Variants in AIMP1 observed in about 807,000 individuals in gnomAD.
AIMP1 encodes aminoacyl tRNA synthetase complex interacting multifunctional protein 1, also known as aminoacyl tRNA synthase complex-interacting multifunctional protein 1.
A neutral mutation model predicts 33.1 loss-of-function variants in AIMP1; 24 were observed. That is an observed-to-expected ratio of 0.73 (90% confidence interval 0.53 to 1.02). The LOEUF is 1.02. AIMP1 is among the 50% of genes least tolerant of loss of function. The pLI is 0.00. For synonymous variants in AIMP1, 120 were observed against 121.5 expected (o/e 0.99, Z 0.08); for missense variants, 367 against 364.8 (o/e 1.01, Z -0.05).
rs997469126 is a variant in AIMP1, at chr4:106,349,369, T to G, written c.*1677T>G. ...CTGTACCCCAGATCAAATTATCTAA[T>G]GTTTTGTTAGTGAAACCTAAACTGA... On this transcript the variant is annotated 3_prime_UTR_variant, in exon 7 of 7. Coordinates refer to ENST00000672341, the MANE Select transcript of AIMP1 (RefSeq NM_001142416.2). The G allele has an allele frequency of 6.6e-6, 1 of 152,048 alleles. No individual in the cohort carries two copies. Among genetic ancestry groups the G allele is most frequent in the Non-Finnish European group, 1.5e-5 (1 of 67,992 alleles). 9.4% of individuals were successfully genotyped at this position (152,048 alleles called of 1,614,324 possible).
At chr4:106,334,197 A>G (rs962146548) in intron 5 of AIMP1, among the ~76,000 whole-genome samples, 4 of 152,166 alleles carry the variant, frequency 2.6e-5, no homozygotes, top group Non-Finnish European at 5.9e-5. Context: ...TATAGCTGCA[A>G]GTATTTATTA....
chr4:106,343,856 T>A (rs1770192033), intron 6 of AIMP1, among the ~76,000 whole-genome samples: 1 of 152,228 alleles, frequency 6.6e-6, no homozygotes, highest in Non-Finnish European at 1.5e-5. Flanking sequence ...TTATTTCTAT[T>A]GATATCGAGT....
upstream of AIMP1, chr4:106,316,478 T>C (rs1768891029): frequency 6.8e-7 from 1 of 1,473,918 alleles, no homozygotes; most frequent in East Asian, 2.5e-5. Flanking sequence ...TGTAGAACAC[T>C]CAGGCTTTCA....
chr4:106,328,091 TTCCATCTGGTAC>T lies in AIMP1; in HGVS notation c.244_255del (p.Ser82_Pro85del), dbSNP rs1769522526. 3 of 1,612,778 alleles carry T rather than the reference TTCCATCTGGTAC, an allele frequency of 1.9e-6. No individual in the cohort carries two copies. Among genetic ancestry groups the T allele is most frequent in the Non-Finnish European group, 2.5e-6 (3 of 1,178,998 alleles). ...TCTGTCTCAGTGAAGCAAATACCAT[TTCCATCTGGTAC>T]TCCACTGCACGCTAATTCTATGGTT... On this transcript the variant is annotated inframe_deletion, in exon 4 of 7. Coordinates refer to ENST00000672341, the MANE Select transcript of AIMP1 (RefSeq NM_001142416.2).
rs755467777 is a variant in AIMP1 at position 106,328,125 on chromosome 4, G to T, written c.273G>T (p.Met91Ile). The change falls in exon 4 of 7, where the codon ATG becomes ATT. Residue 91 changes from methionine to isoleucine, a missense_variant. Physicochemically the swap from Met to Ile is conservative, Grantham distance 10. Coordinates refer to ENST00000672341, the MANE Select transcript of AIMP1 (RefSeq NM_001142416.2). The stretch of plus-strand genomic sequence containing the variant: ...GTACTCCACTGCACGCTAATTCTAT[G>T]GTTTCTGAAAATGTGATACAGTCTA... The part of the protein sequence containing the change: ...PSGTPLHANS[M>I]VSENVIQSTA... The T allele has an allele frequency of 6.2e-7, 1 of 1,613,396 alleles. No homozygotes were observed. The highest frequency in any genetic ancestry group is 8.5e-7 in the Non-Finnish European group (1 of 1,179,668).
At chr4:106,316,021 C>G (rs888288488), upstream of AIMP1, 3 of 152,670 alleles carry the variant, frequency 2.0e-5, no homozygotes, top group Non-Finnish European at 4.4e-5. Context: ...CTGCTGCTGC[C>G]GCTACGGCTT....
At chr4:106,338,225 G>A (rs570276753) in intron 6 of AIMP1, among the ~76,000 whole-genome samples, 1 of 152,362 alleles carries the variant, frequency 6.6e-6, no homozygotes, top group African/African-American at 2.4e-5. Flanking sequence ...ATTTCTGCCA[G>A]CTGCAGAAAT....
rs762700081 is a variant in AIMP1 at position 106,324,985 on chromosome 4, G to T, written c.-25G>T. Reference sequence around the variant, plus strand: ...TTTATCACTTTTATTTTTCCTATAGGATTTTCTGCCGTCTCTTGGCAAAAA... The same window carrying T: ...TTTATCACTTTTATTTTTCCTATAGTATTTTCTGCCGTCTCTTGGCAAAAA... On this transcript the variant is annotated splice_region_variant and 5_prime_UTR_variant, in exon 2 of 7. The change abolishes an upstream ATG in the 5' untranslated region. Coordinates refer to ENST00000672341, the MANE Select transcript of AIMP1 (RefSeq NM_001142416.2). 6.3e-7 allele frequency: 1 copy of T among 1,594,068 alleles called. No individual in the cohort carries two copies. Among genetic ancestry groups the T allele is most frequent in the Admixed American group, 1.7e-5 (1 of 57,994 alleles).
At position 106,329,772 on chromosome 4, in the gene AIMP1, C is replaced by CCTTT. The variant is rs1554000880; in HGVS notation, c.391+1529_391+1530insCTTT. 1.3e-3 allele frequency among the ~76,000 whole-genome samples: 71 copies of CCTTT among 53,096 alleles called. 3 individuals are homozygous for CCTTT. Among genetic ancestry groups the CCTTT allele is most frequent in the Middle Eastern group, 0.016 (1 of 64 alleles). The allele number at this position is 53,096 out of a possible 152,430, so 34.8% of individuals were successfully genotyped here. On this transcript the variant is annotated intron_variant, in intron 4 of 6. Transcript: ENST00000672341. ...ATGATCTTTCTAGACTGCTACATAT[C>CCTTT]TTTTTTTTTTTTTTTTTTTTTTTTT...
intron 6 of AIMP1, among the ~76,000 whole-genome samples, chr4:106,343,561 G>C (rs961467619): frequency 7.9e-5 from 12 of 152,142 alleles, no homozygotes; most frequent in Admixed American, 6.5e-4. Context: ...TCTGTGTCTT[G>C]AACCTTGGTA....
intron 1 of AIMP1, among the ~76,000 whole-genome samples, chr4:106,320,367 G>A (rs1031896671): frequency 6.6e-6 from 1 of 152,152 alleles, no homozygotes; most frequent in Non-Finnish European, 1.5e-5. Flanking sequence ...CAAAGAACAT[G>A]TTTATTTTTG....
Position 106,336,869 on chromosome 4 carries a change from A to G in AIMP1, c.604A>G (p.Met202Val). Residue 202 changes from methionine to valine, a missense_variant and splice_region_variant, in exon 6 of 7, where the codon ATG (methionine) becomes GTG (valine). Transcript: ENST00000672341. ...GLVNHVPLEQ[M>V]QNRMVILLCN... is the part of the protein sequence containing the mutation. Reference sequence around the variant, plus strand: ...ACTTACCAGTTTATATTTCACACAGATGCAAAATCGGATGGTGATTTTACT... The same window carrying G: ...ACTTACCAGTTTATATTTCACACAGGTGCAAAATCGGATGGTGATTTTACT... 6.2e-7 allele frequency: 1 copy of G among 1,613,930 alleles called. No individual in the cohort carries two copies. Among genetic ancestry groups the G allele is most frequent in the Non-Finnish European group, 8.5e-7 (1 of 1,179,870 alleles).
chr4:106,316,242 C>G (rs548974397), upstream of AIMP1: 41 of 295,630 alleles, frequency 1.4e-4, no homozygotes, highest in African/African-American at 8.2e-4. Context: ...TTCTTCCGCC[C>G]TCACAGCCAC....
chr4:106,342,470 G>A (rs527364627), intron 6 of AIMP1, among the ~76,000 whole-genome samples: 1 of 152,234 alleles, frequency 6.6e-6, no homozygotes, highest in Middle Eastern at 3.4e-3. Flanking sequence ...TTGATGCCTA[G>A]TCTATTGAGG....
At chr4:106,317,433 A>T (rs1768994420) in intron 1 of AIMP1, among the ~76,000 whole-genome samples, 1 of 152,230 alleles carries the variant, frequency 6.6e-6, no homozygotes, top group South Asian at 2.1e-4. Context: ...TTTGAGCAGT[A>T]GAGTGATGGG....
chr4:106,320,797 GC>G (rs1769189426), intron 1 of AIMP1, among the ~76,000 whole-genome samples: 1 of 152,132 alleles, frequency 6.6e-6, no homozygotes, highest in Non-Finnish European at 1.5e-5. Flanking sequence ...CTGATGCCGA[GC>G]CGAGGCTGGA....
intron 2 of AIMP1, among the ~76,000 whole-genome samples, chr4:106,326,877 G>A (rs1448343638): frequency 1.3e-5 from 2 of 151,844 alleles, no homozygotes; most frequent in African/African-American, 2.4e-5. Flanking sequence ...TCCAAGCCTC[G>A]ATCAGTCCTC....
rs2230255 is a variant in AIMP1 at position 106,328,201 on chromosome 4, A to G, written c.349A>G (p.Thr117Ala). Reference sequence around the variant, plus strand: ...TACCAAAGAACAGATAAAAGGAGGAACAGGAGACGAAAAGAAAGCGAAAGA... The same window carrying G: ...TACCAAAGAACAGATAAAAGGAGGAGCAGGAGACGAAAAGAAAGCGAAAGA... ...SGTKEQIKGGTGDEKKAKEKI... is the reference protein window; with the variant it reads ...SGTKEQIKGGAGDEKKAKEKI... Residue 117 changes from threonine to alanine, a missense_variant, in exon 4 of 7, where the codon ACA becomes GCA. Transcript: ENST00000672341. 4.8e-3 allele frequency: 7,816 copies of G among 1,612,208 alleles called. 318 individuals carry two copies. In the African/African-American group the frequency reaches 0.091, roughly 19 times the overall value.
chr4:106,341,160 T>G (rs1010156842), intron 6 of AIMP1, among the ~76,000 whole-genome samples: 4 of 152,196 alleles, frequency 2.6e-5, no homozygotes, highest in African/African-American at 9.6e-5. Flanking sequence ...AGAGTTTTGT[T>G]GGATGCATAG....
Sources: gnomAD v4.1 joint callset for allele counts (sites outside exome capture counted in the v4.1 genomes callset) on GRCh38, gnomAD v4.1.1 for gene constraint, MANE v1.5 for transcripts, NCBI Gene and HGNC (gene_info 2026-07-23, HGNC 2026-07-21) for gene names.